Variants in TENM2 observed in about 807,000 individuals in gnomAD.
TENM2 encodes the protein teneurin transmembrane protein 2.
TENM2 carries 52 observed loss-of-function variants against 245.2 expected under a neutral mutation model. That is an observed-to-expected ratio of 0.21 (90% CI 0.17 to 0.27). The LOEUF is 0.27. Ranked by LOEUF, TENM2 falls within the 10% of genes least tolerant of loss-of-function variation. The probability of loss-of-function intolerance (pLI) is 1.00; values close to 1 mark genes in which losing one functional copy is unlikely to be tolerated. For synonymous variants in TENM2, 1,363 were observed against 1,438.9 expected, an observed-to-expected ratio of 0.95 and a Z score of 1.19; for missense variants, 3,046 against 3,666.8, an observed-to-expected ratio of 0.83 and a Z score of 4.37.
At chr5:167,701,581 G>A (rs1017032185) in intron 2 of TENM2, among the ~76,000 whole-genome samples, 3 of 152,082 alleles carry the variant, frequency 2.0e-5, no homozygotes, top group African/African-American at 7.2e-5. Context: ...GATAATTTGG[G>A]CAGGTCACTG....
the TENM2 span, among the ~76,000 whole-genome samples, chr5:167,026,987 G>C: frequency 6.6e-6 from 1 of 152,026 alleles, no homozygotes; most frequent in Admixed American, 6.6e-5. Flanking sequence ...AAAGCCCTTG[G>C]GAAGCAAAAG....
At chr5:167,531,236 G>C (rs1288608316) in intron 2 of TENM2, among the ~76,000 whole-genome samples, 1 of 152,164 alleles carries the variant, frequency 6.6e-6, no homozygotes, top group Non-Finnish European at 1.5e-5. Context: ...TGGTGGTTCT[G>C]AAATACTAGG....
At chr5:167,795,597 T>G (rs937255002) in intron 2 of TENM2, among the ~76,000 whole-genome samples, 1 of 152,098 alleles carries the variant, frequency 6.6e-6, no homozygotes, top group African/African-American at 2.4e-5. Flanking sequence ...GAAAAAAGTC[T>G]TGAAGGCAAT....
intron 6 of TENM2, among the ~76,000 whole-genome samples, chr5:168,059,034 C>G (rs189526408): frequency 1.2e-3 from 176 of 152,266 alleles, no homozygotes; most frequent in African/African-American, 3.5e-3. Context: ...TGTACTTCAT[C>G]CCCCAGGTGC....
intron 3 of TENM2, among the ~76,000 whole-genome samples, chr5:167,914,231 T>C (rs550985456): frequency 2.6e-5 from 4 of 152,156 alleles, no homozygotes; most frequent in Non-Finnish European, 4.4e-5. Context: ...AAAACACACA[T>C]TTATTATCTG....
chr5:168,253,550 G>C lies in TENM2; in HGVS notation c.7432+5179G>C, dbSNP rs59122124. On this transcript the variant is annotated intron_variant, in intron 27 of 28. Transcript: ENST00000518659. ...ACACCATTCTCCTGCCTCAGCCCGC[G>C]GAGTAGCTGGAACTACAGGCGCCCG... 2.9e-3 allele frequency among the ~76,000 whole-genome samples: 439 copies of C among 151,250 alleles called. 2 individuals are homozygous for C. Among genetic ancestry groups the C allele is most frequent in the African/African-American group, 9.9e-3 (408 of 41,150 alleles).
At chr5:167,921,251 A>G (rs976898677) in intron 3 of TENM2, among the ~76,000 whole-genome samples, 1 of 152,258 alleles carries the variant, frequency 6.6e-6, no homozygotes, top group African/African-American at 2.4e-5. Context: ...TATATTTATT[A>G]CATTTGGATG....
rs140771903 is a variant in TENM2 at position 167,577,627 on chromosome 5, T to C, written c.502+202154T>C. On this transcript the variant is annotated intron_variant, in intron 2 of 28. Coordinates refer to ENST00000518659, the Ensembl canonical transcript of TENM2. ...TTGACCCATAGTGGTTTTTTTCTTC[T>C]TCTGTCTTTAAATAAGGAAAGCTAC... Among the ~76,000 whole-genome samples the C allele has an allele frequency of 4.5e-3, 687 of 152,290 alleles. 5 individuals carry two copies. The highest frequency in any genetic ancestry group is 0.017 in the Middle Eastern group (5 of 294).
chr5:167,090,892 T>G, the TENM2 span, among the ~76,000 whole-genome samples: 1 of 152,200 alleles, frequency 6.6e-6, no homozygotes, highest in African/African-American at 2.4e-5. Flanking sequence ...TGCAGGCCCT[T>G]TATAATGAAA....
chr5:167,445,336 T>TATATATATAG (rs368881390), intron 2 of TENM2, among the ~76,000 whole-genome samples: 48 of 77,292 alleles, frequency 6.2e-4, no homozygotes, highest in African/African-American at 1.9e-3. Flanking sequence ...TATATATATA[T>TATATATATAG]AGAGAGAGAG....
At chr5:167,771,303 C>T (rs1188149794) in intron 2 of TENM2, among the ~76,000 whole-genome samples, 1 of 152,150 alleles carries the variant, frequency 6.6e-6, no homozygotes, top group Non-Finnish European at 1.5e-5. Context: ...AATCCTACCT[C>T]AGCAGAGGAT....
the TENM2 span, among the ~76,000 whole-genome samples, chr5:167,121,145 G>A: frequency 6.6e-6 from 1 of 152,042 alleles, no homozygotes; most frequent in Non-Finnish European, 1.5e-5. Context: ...TTTGTTTTTA[G>A]TGCTAGATTT....
At chr5:168,171,944 T>A (rs1354441544) in intron 13 of TENM2, among the ~76,000 whole-genome samples, 1 of 152,216 alleles carries the variant, frequency 6.6e-6, no homozygotes, top group Non-Finnish European at 1.5e-5. Flanking sequence ...CATCCCCCGG[T>A]CTCTGTGACC....
At chr5:167,177,084 T>G in the TENM2 span, among the ~76,000 whole-genome samples, 1 of 152,224 alleles carries the variant, frequency 6.6e-6, no homozygotes, top group African/African-American at 2.4e-5. Flanking sequence ...GTTTTAAAAA[T>G]AAGAGCCAGG....
chr5:167,068,531 T>C, the TENM2 span, among the ~76,000 whole-genome samples: 1 of 152,224 alleles, frequency 6.6e-6, no homozygotes, highest in African/African-American at 2.4e-5. Flanking sequence ...AAAAATGTTA[T>C]TGAGATATTT....
intron 2 of TENM2, among the ~76,000 whole-genome samples, chr5:167,849,824 A>G (rs113627079): frequency 3.5e-4 from 54 of 152,350 alleles, no homozygotes; most frequent in African/African-American, 1.3e-3. Context: ...CAGATAGAAG[A>G]GATGCATACG....
At chr5:167,576,214 C>T (rs961290352) in intron 2 of TENM2, among the ~76,000 whole-genome samples, 2 of 152,110 alleles carry the variant, frequency 1.3e-5, no homozygotes, top group Non-Finnish European at 2.9e-5. Context: ...TGTAGTTCAG[C>T]ATGTACTTTT....
intron 13 of TENM2, among the ~76,000 whole-genome samples, chr5:168,175,795 C>G (rs1759305978): frequency 6.6e-6 from 1 of 152,192 alleles, no homozygotes; most frequent in South Asian, 2.1e-4. Context: ...GTCCCCGGAG[C>G]AAGCTTCTCC....
At chr5:167,281,344 T>C (rs1465322121), upstream of TENM2, among the ~76,000 whole-genome samples, 1 of 151,318 alleles carries the variant, frequency 6.6e-6, no homozygotes, top group East Asian at 2.0e-4. Flanking sequence ...CTTGAACTCC[T>C]AACCTCGTTA....
Sources: gnomAD v4.1 joint callset for allele counts (sites outside exome capture counted in the v4.1 genomes callset) on GRCh38, gnomAD v4.1.1 for gene constraint, MANE v1.5 for transcripts, NCBI Gene and HGNC (gene_info 2026-07-23, HGNC 2026-07-21) for gene names.